The following SERINC2 variants were observed in gnomAD, a reference collection of about 807,000 sequenced individuals.
SERINC2 encodes tumor differentially expressed protein 2.
Under a neutral mutation model 54.2 loss-of-function variants are expected in SERINC2, and 56 were observed. That is an observed-to-expected ratio of 1.03 (90% CI 0.83 to 1.29). SERINC2 has a LOEUF of 1.29. SERINC2 is among the 50% of genes most tolerant of loss of function. The pLI is 0.00. For missense variants in SERINC2, 614 were observed against 607.4 expected (o/e 1.01, Z -0.12); for synonymous variants, 272 against 253.1 (o/e 1.07, Z -0.71).
intron 7 of SERINC2, 76 bp downstream of exon 7, chr1:31,429,144 C>T (rs373033800): frequency 1.5e-6 from 2 of 1,339,106 alleles, no homozygotes; most frequent in Non-Finnish European, 2.1e-6. Context: ...GGCTGGGGAC[C>T]CTCACAGGTG....
At chr1:31,432,935 T>C in intron 8 of SERINC2, 32 bp from the exon 9 acceptor site, 1 of 1,543,398 alleles carries the variant, frequency 6.5e-7, no homozygotes, top group Non-Finnish European at 8.8e-7. Context: ...GCCAGAGCTA[T>C]CTATTTGCCC....
intron 6 of SERINC2, among the ~76,000 whole-genome samples, chr1:31,427,091 C>A (rs77584488): frequency 6.2e-4 from 95 of 152,226 alleles, no homozygotes; most frequent in African/African-American, 2.1e-3. Context: ...GGATTGAGAT[C>A]CTATTTGTAA....
chr1:31,411,486 G>A (rs942096607), upstream of SERINC2, among the ~76,000 whole-genome samples: 1 of 152,190 alleles, frequency 6.6e-6, no homozygotes, highest in Non-Finnish European at 1.5e-5. Flanking sequence ...GGGCTCAAAT[G>A]GTACCACGGG....
intron 9 of SERINC2, 131 bp downstream of exon 9, chr1:31,433,316 C>T: frequency 1.4e-6 from 1 of 729,724 alleles, no homozygotes; most frequent in South Asian, 1.7e-5. Flanking sequence ...GTATCAAGGA[C>T]CCTCCATAGA....
At chr1:31,417,231 C>T (rs1406547203) in intron 1 of SERINC2, among the ~76,000 whole-genome samples, 1 of 152,198 alleles carries the variant, frequency 6.6e-6, no homozygotes, top group Non-Finnish European at 1.5e-5. Context: ...ATACCACACA[C>T]TACCCCATGA....
At chr1:31,429,957 C>T (rs1467692934) in intron 8 of SERINC2, among the ~76,000 whole-genome samples, 1 of 151,868 alleles carries the variant, frequency 6.6e-6, no homozygotes, top group African/African-American at 2.4e-5. Context: ...GGCTGTGACC[C>T]CACACTCTCC....
chr1:31,413,168 G>C (rs1640684847), upstream of SERINC2: 2 of 871,334 alleles, frequency 2.3e-6, no homozygotes, highest in Non-Finnish European at 2.7e-6. The surrounding 1 kb of genome is among the most constrained non-coding windows in gnomAD (Gnocchi z 5.0). Context: ...CGGGGCCGGG[G>C]CGGGGCCGGG....
intron 1 of SERINC2, chr1:31,416,036 GT>G: frequency 2.4e-6 from 1 of 412,912 alleles, no homozygotes; most frequent in Non-Finnish European, 3.3e-6. Context: ...CCTAGGGAGT[GT>G]GAAAGGCCTT....
intron 1 of SERINC2, among the ~76,000 whole-genome samples, chr1:31,420,892 A>T (rs569868190): frequency 1.7e-4 from 26 of 152,258 alleles, no homozygotes; most frequent in African/African-American, 6.0e-4. Context: ...TTGCTGTGTG[A>T]CCTCTGGTAA....
chr1:31,433,962 C>T, intron 9 of SERINC2, 102 bp from the exon 10 acceptor site: 1 of 1,217,366 alleles, frequency 8.2e-7, no homozygotes, highest in Non-Finnish European at 1.2e-6. Context: ...GGGTAAGAGC[C>T]AGAGTTGAAG....
Position 31,424,687 on chromosome 1 carries a change from C to A in SERINC2, c.206C>A (p.Pro69His). ...CTGCTCTGTCTGTCTCCACAGCTGCCCTGGGTGTGTGAGGAGGGGGCCGGG... is the reference window on the plus strand; with the variant it reads ...CTGCTCTGTCTGTCTCCACAGCTGCACTGGGTGTGTGAGGAGGGGGCCGGG... ...PGVESQLYKLPWVCEEGAGIP... is the reference protein window; with the variant it reads ...PGVESQLYKLHWVCEEGAGIP... Residue 69 changes from proline to histidine, a missense_variant, in exon 3 of 10, where the codon CCC (proline) becomes CAC (histidine). Physicochemically the swap from Pro to His is moderately conservative, Grantham distance 77. Coordinates refer to ENST00000373709, the MANE Select transcript of SERINC2 (RefSeq NM_178865.5). 1 of 1,596,314 alleles carries A rather than the reference C, an allele frequency of 6.3e-7. No individual in the cohort carries two copies. The highest frequency in any genetic ancestry group is 8.5e-7 in the Non-Finnish European group (1 of 1,171,592).
At chr1:31,423,643 G>A (rs961998745) in intron 1 of SERINC2, 50 bp from the exon 2 acceptor site, 2 of 1,580,076 alleles carry the variant, frequency 1.3e-6, no homozygotes, top group South Asian at 1.1e-5. Context: ...TGAGAGGTGC[G>A]CGCTTGGGCG....
chr1:31,425,698 G>T (rs1375264899), intron 4 of SERINC2, 78 bp from the exon 5 acceptor site: 3 of 1,523,556 alleles, frequency 2.0e-6, no homozygotes, highest in East Asian at 4.5e-5. Flanking sequence ...CCGGTGCAGG[G>T]TGTAGCAGAA....
chr1:31,432,652 T>C (rs1356021612), intron 8 of SERINC2, among the ~76,000 whole-genome samples: 1 of 152,192 alleles, frequency 6.6e-6, no homozygotes, highest in Non-Finnish European at 1.5e-5. Context: ...TGAATTTATA[T>C]TCTGTGCCAA....
At chr1:31,422,699 T>C (rs1553132886) in intron 1 of SERINC2, among the ~76,000 whole-genome samples, 1 of 152,134 alleles carries the variant, frequency 6.6e-6, no homozygotes, top group East Asian at 1.9e-4. Context: ...GAGTAGGGGC[T>C]GTTTGGGGGA....
chr1:31,423,238 G>C (rs1478667659), intron 1 of SERINC2, among the ~76,000 whole-genome samples: 2 of 152,216 alleles, frequency 1.3e-5, no homozygotes, highest in African/African-American at 4.8e-5. Flanking sequence ...GCCCAAGGGG[G>C]CTACAATGTG....
rs1281396423 is a variant in SERINC2 at position 31,426,049 on chromosome 1, C to T, written c.610+136C>T. ...CAGCCACTGCCTTAGGTCAAGATTC[C>T]AATTGTCCCAGGGAGATGGGGGGCA... On this transcript the variant is annotated intron_variant, in intron 5 of 9. Transcript: ENST00000373709. 4.3e-6 allele frequency: 4 copies of T among 927,448 alleles called. No individual in the cohort carries two copies. The Admixed American group carries it at 7.7e-5, about 18-fold the overall frequency. The allele number at this position is 927,448 out of a possible 1,614,324, so 57.5% of individuals were successfully genotyped here.
At chr1:31,426,262 G>A in intron 5 of SERINC2, among the ~76,000 whole-genome samples, 1 of 152,128 alleles carries the variant, frequency 6.6e-6, no homozygotes. Flanking sequence ...AGCAGGGTGA[G>A]TCCCTGGTCC....
chr1:31,425,416 G>A lies in SERINC2; in HGVS notation c.472+7G>A, dbSNP rs185584347. 1.3e-5 allele frequency: 21 copies of A among 1,595,636 alleles called. No homozygotes were observed. The East Asian group carries it at 2.0e-4, about 15-fold the overall frequency. On this transcript the variant is annotated splice_region_variant and intron_variant, in intron 4 of 9. Coordinates refer to ENST00000373709, the MANE Select transcript of SERINC2 (RefSeq NM_178865.5). ...GACGGCTCCTTCACCAACAGTAGGC[G>A]GACTTGGCAGGAGGCATGGGGGGCT...
Sources: allele counts gnomAD v4.1 joint callset (sites outside exome capture counted in the v4.1 genomes callset), GRCh38; gene constraint gnomAD v4.1.1; non-coding constraint Gnocchi (gnomAD v3.1); transcripts MANE v1.5; gene names NCBI Gene and HGNC (gene_info 2026-07-23, HGNC 2026-07-21).